MYCBP2: variants seen among roughly 807,000 people sequenced by gnomAD.
The protein encoded by MYCBP2 is E3 ubiquitin-protein ligase MYCBP2.
Under a neutral mutation model 525.3 loss-of-function variants are expected in MYCBP2, and 120 were observed. The ratio of observed to expected loss-of-function variants is 0.23; its 90% CI spans 0.20 to 0.27. MYCBP2 has a LOEUF of 0.27. Ranked by LOEUF, MYCBP2 falls within the 10% of genes least tolerant of loss-of-function variation. MYCBP2 has a pLI of 1.00. For missense variants in MYCBP2, 4,149 were observed against 5,657.1 expected (o/e 0.73, Z 8.55); for synonymous variants, 1,894 against 1,955.8 (o/e 0.97, Z 0.83).
chr13:77,180,261 C>G lies in MYCBP2; in HGVS notation c.4999G>C (p.Val1667Leu). ...TTCCTGACTGGTAGCACAACAATGA[C>G]CAGCATTTTCTCCAGAACTTCACGG... Reference protein sequence around the residue: ...SFREVLEKMLVIVVLPVRNSL... With the variant: ...SFREVLEKMLLIVVLPVRNSL... Residue 1667 changes from valine (V) to leucine (L), a missense_variant, in exon 34 of 83, where the codon GTC becomes CTC. This residue lies in a region of MYCBP2 where 292 missense variants were observed against 330.5 expected (regional missense o/e 0.88). Transcript: ENST00000544440. The G allele has an allele frequency of 6.2e-7, 1 of 1,614,144 alleles. No homozygotes were observed. Among genetic ancestry groups the G allele is most frequent in the East Asian group, 2.2e-5 (1 of 44,874 alleles).
At chr13:77,052,487 C>T (rs2037029392) in intron 80 of MYCBP2, among the ~76,000 whole-genome samples, 1 of 152,260 alleles carries the variant, frequency 6.6e-6, no homozygotes, top group Non-Finnish European at 1.5e-5. Context: ...GCATGAGCCA[C>T]ATGCCTGGCC....
At chr13:77,070,459 G>A (rs2040995379) in intron 69 of MYCBP2, among the ~76,000 whole-genome samples, 172 bp downstream of exon 69, 1 of 151,552 alleles carries the variant, frequency 6.6e-6, no homozygotes, top group Admixed American at 6.6e-5. Context: ...TAGCCTTAGT[G>A]TATTTTATGT....
Position 77,270,505 on chromosome 13 carries a change from C to A in MYCBP2, c.979G>T (p.Val327Leu), listed in dbSNP as rs750076640. 3.1e-6 allele frequency: 5 copies of A among 1,613,314 alleles called. No individual in the cohort carries two copies. In the South Asian group the frequency reaches 5.5e-5, roughly 18 times the overall value. The change falls in exon 6 of 83, where the codon GTA (valine) becomes TTA (leucine). Residue 327 changes from valine to leucine, a missense_variant. Around this residue, in one of 21 missense-constraint regions of MYCBP2, gnomAD observed 413 missense variants for 451.2 expected, o/e 0.92. Coordinates refer to ENST00000544440, the MANE Select transcript of MYCBP2 (RefSeq NM_015057.5). ...ATTTTTCCCACCAAAACTGCTTGTA[C>A]ACTTCTCTGTAGCGAATTTAGAATT... ...PTILNSLQRS[V>L]QAVLVGKIQI...
intron 30 of MYCBP2, among the ~76,000 whole-genome samples, chr13:77,187,437 C>T (rs914221517): frequency 1.2e-4 from 19 of 152,076 alleles, no homozygotes; most frequent in Non-Finnish European, 2.4e-4. Context: ...GGGCATATTT[C>T]CAGTAGAAGT....
chr13:77,151,162 G>C (rs1006969763), intron 46 of MYCBP2, among the ~76,000 whole-genome samples: 1 of 152,076 alleles, frequency 6.6e-6, no homozygotes, highest in Admixed American at 6.5e-5. Flanking sequence ...TAAAAACAAG[G>C]CCTCATAGTT....
At chr13:77,177,708 A>G (rs2059845412) in intron 35 of MYCBP2, 40 bp downstream of exon 35, 1 of 1,484,014 alleles carries the variant, frequency 6.7e-7, no homozygotes, top group South Asian at 1.1e-5. Flanking sequence ...CTGATACACA[A>G]CCCACTAATC....
intron 66 of MYCBP2, among the ~76,000 whole-genome samples, chr13:77,078,445 C>T (rs2042707704): frequency 1.3e-5 from 2 of 152,108 alleles, no homozygotes; most frequent in African/African-American, 2.4e-5. Flanking sequence ...AGTGTTATAA[C>T]AGACAGATTT....
intron 10 of MYCBP2, 53 bp downstream of exon 10, chr13:77,263,598 T>G: frequency 6.8e-7 from 1 of 1,472,396 alleles, no homozygotes; most frequent in Non-Finnish European, 9.3e-7. Flanking sequence ...TTTTTAAGAG[T>G]ATGAAAAATT....
At chr13:77,287,448 G>T (rs1378497494) in intron 3 of MYCBP2, among the ~76,000 whole-genome samples, 55 of 152,192 alleles carry the variant, frequency 3.6e-4, no homozygotes, top group Non-Finnish European at 2.9e-5. Flanking sequence ...GCCTCCCAAA[G>T]TGCTGGGATT....
rs1359757712 is a variant in MYCBP2 at position 77,185,347 on chromosome 13, C to G, written c.4475G>C (p.Ser1492Thr). The G allele has an allele frequency of 6.2e-7, 1 of 1,613,072 alleles. No homozygotes were observed. The highest frequency in any genetic ancestry group is 1.1e-5 in the South Asian group (1 of 90,988). ...TTTTCCAATACACTCTGCTAATTTG[C>G]TAGTTTCTTCTACAACTGCTTTTCC... is the stretch of plus-strand genomic sequence containing the variant. ...ATGKAVVEETSKLAECIGKTR... is the reference protein window; with the variant it reads ...ATGKAVVEETTKLAECIGKTR... Residue 1492 changes from serine (S) to threonine (T), a missense_variant, in exon 32 of 83, where the codon AGC (serine) becomes ACC (threonine). By Grantham distance (58) the Ser-to-Thr change is moderately conservative. Transcript: ENST00000544440.
At chr13:77,237,746 G>A (rs901681317) in intron 17 of MYCBP2, among the ~76,000 whole-genome samples, 4 of 152,078 alleles carry the variant, frequency 2.6e-5, no homozygotes, top group Non-Finnish European at 5.9e-5. Context: ...GTAAAAAAGT[G>A]TGAGAAGTTA....
In MYCBP2 at chr13:77,061,232, A is replaced by G. The variant is rs773132952; in HGVS notation, c.12973T>C (p.Trp4325Arg). Residue 4325 changes from tryptophan to arginine, a missense_variant, in exon 76 of 83, where the codon TGG becomes CGG. Around this residue, in one of 21 missense-constraint regions of MYCBP2, gnomAD observed 220 missense variants for 396.0 expected, o/e 0.56. Coordinates refer to ENST00000544440, the MANE Select transcript of MYCBP2 (RefSeq NM_015057.5). ...TTAGAATCTGCCAGTGCCATCAACC[A>G]GAACAATTTGGTTCTACCACAACCT... Reference protein sequence around the residue: ...HEGCGRTKLFWLMALADSKTM... With the variant: ...HEGCGRTKLFRLMALADSKTM... 1 of 1,612,846 alleles carries G rather than the reference A, an allele frequency of 6.2e-7. No homozygotes were observed. Among genetic ancestry groups the G allele is most frequent in the South Asian group, 1.1e-5 (1 of 90,862 alleles).
At chr13:77,166,741 T>C (rs1483189999) in intron 40 of MYCBP2, among the ~76,000 whole-genome samples, 187 bp from the exon 41 acceptor site, 2 of 152,070 alleles carry the variant, frequency 1.3e-5, no homozygotes, top group East Asian at 1.9e-4. Context: ...AGGACAGAGA[T>C]AAAAGCTAGA....
chr13:77,149,318 T>C (rs2056111906), intron 47 of MYCBP2, among the ~76,000 whole-genome samples: 1 of 152,180 alleles, frequency 6.6e-6, no homozygotes, highest in Admixed American at 6.5e-5. Context: ...CACTGCATAT[T>C]TGTTTCAGGT....
rs370096422 is a variant in MYCBP2 at position 77,106,780 on chromosome 13, A to G, written c.8141-7767T>C. Among the ~76,000 whole-genome samples, 22 of 151,666 alleles carry G rather than the reference A, an allele frequency of 1.5e-4. No homozygotes were observed. In the East Asian group the frequency reaches 4.1e-3, roughly 28 times the overall value. On this transcript the variant is annotated intron_variant, in intron 55 of 82. Coordinates refer to ENST00000544440, the MANE Select transcript of MYCBP2 (RefSeq NM_015057.5). ...CTTTTATTTTAGGTTCAAGGGGGAC[A>G]TGTGTAGGTTTGTTACATGGGTAAA...
chr13:77,249,312 T>C (rs1480732984), intron 15 of MYCBP2, among the ~76,000 whole-genome samples: 1 of 152,228 alleles, frequency 6.6e-6, no homozygotes, highest in Non-Finnish European at 1.5e-5. Context: ...CACAATTTTA[T>C]AATAATTGAA....
chr13:77,287,109 G>A (rs760017400), intron 3 of MYCBP2, among the ~76,000 whole-genome samples: 6 of 150,816 alleles, frequency 4.0e-5, no homozygotes, highest in Non-Finnish European at 8.9e-5. Flanking sequence ...GGATGGTCTC[G>A]ATCTCCTGAC....
At chr13:77,190,944 C>T (rs957950980) in intron 28 of MYCBP2, among the ~76,000 whole-genome samples, 3 of 152,104 alleles carry the variant, frequency 2.0e-5, no homozygotes, top group African/African-American at 7.2e-5. Context: ...ATAGTTTATG[C>T]TCAGGAGTAA....
Position 77,274,282 on chromosome 13 carries a change from C to G in MYCBP2, c.749-614G>C, listed in dbSNP as rs931682057. On this transcript the variant is annotated intron_variant, in intron 4 of 82. Coordinates refer to ENST00000544440, the MANE Select transcript of MYCBP2 (RefSeq NM_015057.5). ...AAGTCATTTAGTGGTGAAGATGAAA[C>G]ACACACACACACAAATGTTTTACAA... is the stretch of plus-strand genomic sequence containing the variant. Among the ~76,000 whole-genome samples the G allele has an allele frequency of 5.9e-5, 9 of 151,736 alleles. No homozygotes were observed. The East Asian group carries it at 1.5e-3, about 26-fold the overall frequency.
Sources: allele counts gnomAD v4.1 joint callset (sites outside exome capture counted in the v4.1 genomes callset), GRCh38; gene constraint gnomAD v4.1.1; regional missense constraint gnomAD v4.1.1; transcripts MANE v1.5; gene names NCBI Gene and HGNC (gene_info 2026-07-23, HGNC 2026-07-21).